Variants in GHR observed in about 807,000 individuals in gnomAD.
The protein encoded by GHR is growth hormone receptor, also known as GH receptor.
In GHR, 35 loss-of-function variants were observed where a neutral mutation model predicts 67.1. The observed-to-expected ratio is 0.52, with a 90% CI of 0.40 to 0.69. GHR has a LOEUF of 0.69. GHR is among the 30% of genes least tolerant of loss of function. The pLI, the probability that GHR is intolerant of heterozygous loss-of-function variation, is 0.00. For synonymous variants in GHR, 272 were observed against 269.1 expected (o/e 1.01, Z -0.10); for missense variants, 792 against 764.6 (o/e 1.04, Z -0.42).
chr5:42,700,528 T>C (rs940003458), intron 6 of GHR, among the ~76,000 whole-genome samples: 1 of 152,164 alleles, frequency 6.6e-6, no homozygotes, highest in Non-Finnish European at 1.5e-5. Flanking sequence ...TGTAGGCAAT[T>C]AGAGAGCATG....
chr5:42,664,186 T>C (rs1561209375), intron 3 of GHR, among the ~76,000 whole-genome samples: 1 of 152,144 alleles, frequency 6.6e-6, no homozygotes, highest in Non-Finnish European at 1.5e-5. Flanking sequence ...ATTTATAGAT[T>C]CAATGCCATC....
At chr5:42,693,731 G>C (rs1368381796) in intron 4 of GHR, among the ~76,000 whole-genome samples, 1 of 152,136 alleles carries the variant, frequency 6.6e-6, no homozygotes, top group Non-Finnish European at 1.5e-5. Context: ...CCATCCCACA[G>C]AGGGATGGTC....
At chr5:42,639,135 A>G (rs750632947) in intron 3 of GHR, among the ~76,000 whole-genome samples, 3 of 152,232 alleles carry the variant, frequency 2.0e-5, no homozygotes, top group Non-Finnish European at 4.4e-5. Flanking sequence ...AATTATTTGC[A>G]GCTGGACTGT....
At chr5:42,589,044 C>T (rs1202644345) in intron 2 of GHR, among the ~76,000 whole-genome samples, 3 of 152,180 alleles carry the variant, frequency 2.0e-5, no homozygotes, top group African/African-American at 7.2e-5. Flanking sequence ...AAAGGAAGTA[C>T]ATTTCCTATA....
At chr5:42,478,156 C>T (rs1002422942) in intron 1 of GHR, among the ~76,000 whole-genome samples, 19 of 152,304 alleles carry the variant, frequency 1.2e-4, no homozygotes, top group Non-Finnish European at 2.2e-4. Context: ...TTCCCCATTT[C>T]TTGTTTTTGT....
chr5:42,695,492 A>C (rs1757631973), intron 5 of GHR, among the ~76,000 whole-genome samples: 1 of 152,216 alleles, frequency 6.6e-6, no homozygotes, highest in South Asian at 2.1e-4. Context: ...TTTGACCTCT[A>C]CCATTGCTGT....
At chr5:42,453,286 G>A (rs1744126874) in intron 1 of GHR, among the ~76,000 whole-genome samples, 2 of 152,116 alleles carry the variant, frequency 1.3e-5, no homozygotes, top group African/African-American at 4.8e-5. Context: ...TGACGCTTAT[G>A]TCCTCCTCTC....
At chr5:42,600,918 CTTTTTTTTTTTT>C (rs933355797) in intron 2 of GHR, among the ~76,000 whole-genome samples, 1 of 66,666 alleles carries the variant, frequency 1.5e-5, no homozygotes, top group African/African-American at 6.3e-5. Flanking sequence ...TCTTTCTATT[CTTTTTTTTTTTT>C]TTTTTTTTTT....
At chr5:42,498,870 A>G (rs1746425172) in intron 1 of GHR, among the ~76,000 whole-genome samples, 1 of 152,214 alleles carries the variant, frequency 6.6e-6, no homozygotes, top group Non-Finnish European at 1.5e-5. Flanking sequence ...ATTAATAGGC[A>G]ACTTATAGTC....
intron 2 of GHR, among the ~76,000 whole-genome samples, chr5:42,599,357 A>ATTTTTTTTTTT (rs36037535): frequency 9.6e-6 from 1 of 103,908 alleles, no homozygotes; most frequent in Non-Finnish European, 1.9e-5. Flanking sequence ...CCTACAGCAC[A>ATTTTTTTTTTT]TTTTTTTTTT....
intron 1 of GHR, among the ~76,000 whole-genome samples, chr5:42,470,266 T>C (rs918225825): frequency 2.7e-5 from 4 of 146,244 alleles, no homozygotes; most frequent in African/African-American, 9.9e-5. Context: ...TAATATATAT[T>C]ATCTATATAG....
chr5:42,603,038 G>T (rs1752456222), intron 2 of GHR, among the ~76,000 whole-genome samples: 1 of 152,010 alleles, frequency 6.6e-6, no homozygotes, highest in Admixed American at 6.6e-5. Flanking sequence ...GGCAAATCTA[G>T]ATAAACTCTC....
In GHR at chr5:42,646,861, G is replaced by C. The variant is rs542108802; in HGVS notation, c.136+17758G>C. On this transcript the variant is annotated intron_variant, in intron 3 of 9. Transcript: ENST00000230882. Reference sequence around the variant, plus strand: ...CAAATTGGGAATCACTGTGGTACCAGACTGGGAATCGTGACTTGCATACTT... The same window carrying C: ...CAAATTGGGAATCACTGTGGTACCACACTGGGAATCGTGACTTGCATACTT... Among the ~76,000 whole-genome samples, 4 of 152,294 alleles carry C rather than the reference G, an allele frequency of 2.6e-5. No homozygotes were observed. In the South Asian group the frequency reaches 8.3e-4, roughly 32 times the overall value.
At chr5:42,425,423 T>A (rs1459115089) in intron 1 of GHR, among the ~76,000 whole-genome samples, 1 of 152,226 alleles carries the variant, frequency 6.6e-6, no homozygotes, top group East Asian at 1.9e-4. Context: ...CAACTGGTGT[T>A]CCAGGCTAGT....
intron 2 of GHR, among the ~76,000 whole-genome samples, chr5:42,609,279 G>A (rs1752774376): frequency 6.6e-6 from 1 of 152,160 alleles, no homozygotes; most frequent in African/African-American, 2.4e-5. Context: ...GCATGGAGGG[G>A]ACAGGTGCCA....
At chr5:42,666,829 C>A (rs758815312) in intron 3 of GHR, among the ~76,000 whole-genome samples, 14 of 152,146 alleles carry the variant, frequency 9.2e-5, no homozygotes, top group Admixed American at 3.3e-4. Flanking sequence ...CTCTCTAAAT[C>A]GCAGATCTTT....
intron 2 of GHR, among the ~76,000 whole-genome samples, chr5:42,596,570 C>G (rs1465348421): frequency 1.3e-5 from 2 of 151,996 alleles, no homozygotes. Flanking sequence ...ACAGCATTGA[C>G]TCCTCCTCTG....
intron 1 of GHR, among the ~76,000 whole-genome samples, chr5:42,509,288 T>C (rs1038570544): frequency 8.5e-5 from 13 of 152,226 alleles, no homozygotes; most frequent in Non-Finnish European, 5.9e-5. Flanking sequence ...CTGAGCCATT[T>C]ATTAGTAATG....
intron 1 of GHR, chr5:42,467,719 A>T: frequency 6.4e-7 from 1 of 1,570,076 alleles, no homozygotes; most frequent in Non-Finnish European, 8.8e-7. Context: ...ATGACATTCA[A>T]AAGGTTTCTC....
Sources: gnomAD v4.1 joint callset for allele counts (sites outside exome capture counted in the v4.1 genomes callset) on GRCh38, gnomAD v4.1.1 for gene constraint, MANE v1.5 for transcripts, NCBI Gene and HGNC (gene_info 2026-07-23, HGNC 2026-07-21) for gene names.